KLF12: variants seen among roughly 807,000 people sequenced by gnomAD.
KLF12 encodes the protein KLF transcription factor 12.
A neutral mutation model predicts 37.8 loss-of-function variants in KLF12; 9 were observed. That is an observed-to-expected ratio of 0.24 (90% CI 0.14 to 0.42). The LOEUF (loss-of-function observed/expected upper bound fraction) is 0.42. Among genes scored for constraint, KLF12 ranks in the 10% least tolerant of loss-of-function variants. The pLI is 1.00. For missense variants in KLF12, 411 were observed against 516.0 expected, an observed-to-expected ratio of 0.80 and a Z score of 1.97; for synonymous variants, 208 against 202.1, an observed-to-expected ratio of 1.03 and a Z score of -0.25.
intron 1 of KLF12, among the ~76,000 whole-genome samples, chr13:74,107,147 G>A (rs1413986664): frequency 6.6e-6 from 1 of 152,182 alleles, no homozygotes; most frequent in Non-Finnish European, 1.5e-5. Context: ...ATTTTATAAG[G>A]GCACTAATCC....
chr13:73,845,771 A>C, intron 4 of KLF12, 56 bp downstream of exon 4: 1 of 1,520,150 alleles, frequency 6.6e-7, no homozygotes, highest in Non-Finnish European at 8.9e-7. Context: ...TGTTCACTGC[A>C]AAAATGAAGT....
At chr13:73,879,106 A>C (rs1028568596) in intron 3 of KLF12, among the ~76,000 whole-genome samples, 1 of 152,242 alleles carries the variant, frequency 6.6e-6, no homozygotes, top group Non-Finnish European at 1.5e-5. Context: ...TACTGAGACT[A>C]TCAATGAAGA....
At chr13:74,134,813 C>T (rs1275593179), upstream of KLF12, among the ~76,000 whole-genome samples, 2 of 151,860 alleles carry the variant, frequency 1.3e-5, no homozygotes, top group Middle Eastern at 3.4e-3. Context: ...AAAAAGCGTG[C>T]AGCCCGCTTG....
intron 3 of KLF12, among the ~76,000 whole-genome samples, chr13:73,914,775 G>A (rs1235805573): frequency 6.6e-6 from 1 of 152,082 alleles, no homozygotes; most frequent in African/African-American, 2.4e-5. Context: ...GGGGGTGATG[G>A]GCAGGGGAAC....
At chr13:74,007,946 G>C (rs1158095391) in intron 1 of KLF12, among the ~76,000 whole-genome samples, 2 of 150,444 alleles carry the variant, frequency 1.3e-5, no homozygotes, top group African/African-American at 4.9e-5. Flanking sequence ...CACAATTTGA[G>C]TCCATTCAAA....
chr13:74,052,049 AAAAAAAGAAGATAAAGATTCC>A (rs1471240303), intron 1 of KLF12, among the ~76,000 whole-genome samples: 2 of 152,178 alleles, frequency 1.3e-5, no homozygotes, highest in African/African-American at 4.8e-5. Flanking sequence ...ACTTAAAGAA[AAAAAAAGAAGATAAAGATTCC>A]AAAGTCTGGC....
the KLF12 span, among the ~76,000 whole-genome samples, chr13:74,183,307 T>A: frequency 2.0e-5 from 3 of 152,190 alleles, no homozygotes; most frequent in Non-Finnish European, 4.4e-5. Flanking sequence ...AATGCGGGAC[T>A]CGGCTATGAC....
the KLF12 span, among the ~76,000 whole-genome samples, chr13:74,272,821 C>T: frequency 6.6e-6 from 1 of 152,058 alleles, no homozygotes; most frequent in East Asian, 1.9e-4. Context: ...GTATCATTTT[C>T]CTGAAGCCAA....
intron 6 of KLF12, among the ~76,000 whole-genome samples, chr13:73,718,268 T>C (rs544902914): frequency 6.6e-6 from 1 of 152,212 alleles, no homozygotes; most frequent in Admixed American, 6.5e-5. Flanking sequence ...CAGTCAATAA[T>C]GAATGTTTCT....
At chr13:73,830,043 G>A (rs1250885419) in intron 4 of KLF12, among the ~76,000 whole-genome samples, 1 of 152,124 alleles carries the variant, frequency 6.6e-6, no homozygotes, top group Non-Finnish European at 1.5e-5. Context: ...AATCACAATT[G>A]GCCAAGACAG....
chr13:74,097,887 T>C (rs1242379975), intron 1 of KLF12, among the ~76,000 whole-genome samples: 7 of 152,082 alleles, frequency 4.6e-5, no homozygotes, highest in Admixed American at 2.6e-4. Flanking sequence ...TTTTGACTTA[T>C]AGGTACATCT....
At chr13:73,993,165 G>A (rs1295896458) in intron 2 of KLF12, among the ~76,000 whole-genome samples, 1 of 152,250 alleles carries the variant, frequency 6.6e-6, no homozygotes. Context: ...CCAGAAGGCA[G>A]AGGTTGCAGT....
chr13:74,044,792 C>A lies in KLF12; in HGVS notation c.-31-49739G>T, dbSNP rs1205309753. On this transcript the variant is annotated intron_variant, in intron 1 of 7. Coordinates refer to ENST00000377669, the MANE Select transcript of KLF12 (RefSeq NM_007249.5). ...CCCGGGAGGCAGAGGTTGCGGTAAG[C>A]CAAGATCACGCCACTGCACTCCAGC... 5.3e-5 allele frequency among the ~76,000 whole-genome samples: 8 copies of A among 151,602 alleles called. No homozygotes were observed. The East Asian group carries it at 1.4e-3, about 26-fold the overall frequency.
rs1593956940 is a variant in KLF12, at chr13:73,689,178, G to A, written c.*6312C>T. 6.6e-6 allele frequency: 1 copy of A among 152,116 alleles called. No individual in the cohort carries two copies. Among genetic ancestry groups the A allele is most frequent in the Non-Finnish European group, 1.5e-5 (1 of 68,026 alleles). The allele number at this position is 152,116 out of a possible 1,614,324, so 9.4% of individuals were successfully genotyped here. On this transcript the variant is annotated 3_prime_UTR_variant, in exon 8 of 8. Coordinates refer to ENST00000377669, the MANE Select transcript of KLF12 (RefSeq NM_007249.5). ...CAGTCAGAAGACTTGACTTCAGTGA[G>A]ATTAAGGAACCCAGCAGCTTTCCTT... is the stretch of plus-strand genomic sequence containing the variant.
At chr13:73,725,978 C>A (rs996722948) in intron 6 of KLF12, among the ~76,000 whole-genome samples, 6 of 152,000 alleles carry the variant, frequency 3.9e-5, no homozygotes, top group Non-Finnish European at 7.4e-5. Flanking sequence ...AAGCGATTCT[C>A]CTGCCTCAGC....
intron 6 of KLF12, among the ~76,000 whole-genome samples, chr13:73,743,706 T>G (rs1332955878): frequency 6.6e-6 from 1 of 152,232 alleles, no homozygotes; most frequent in African/African-American, 2.4e-5. Context: ...TGGAAAAAGC[T>G]GATCCAAGAA....
chr13:74,138,345 C>T (rs150034308), upstream of KLF12, among the ~76,000 whole-genome samples: 939 of 152,082 alleles, frequency 6.2e-3, 9 homozygotes, highest in African/African-American at 0.021. Flanking sequence ...TTCCTAAGGC[C>T]GAAAGTGAAC....
At chr13:73,975,770 T>C (rs79028519) in intron 2 of KLF12, among the ~76,000 whole-genome samples, 4,391 of 152,272 alleles carry the variant, frequency 0.029, 209 homozygotes, top group African/African-American at 0.099. Flanking sequence ...CCTCCTGGCC[T>C]ATGTTCTTTC....
At chr13:74,211,700 T>C in the KLF12 span, among the ~76,000 whole-genome samples, 1 of 152,096 alleles carries the variant, frequency 6.6e-6, no homozygotes, top group Non-Finnish European at 1.5e-5. Flanking sequence ...GAACAAAGAG[T>C]AAGACCTGTA....
Sources: gnomAD v4.1 joint callset for allele counts (sites outside exome capture counted in the v4.1 genomes callset) on GRCh38, gnomAD v4.1.1 for gene constraint, MANE v1.5 for transcripts, NCBI Gene and HGNC (gene_info 2026-07-23, HGNC 2026-07-21) for gene names.